Variants in SLC44A5 observed in about 807,000 individuals in gnomAD.
SLC44A5 encodes the protein solute carrier family 44 member 5, also known as choline transporter-like protein 5.
In SLC44A5, 57 loss-of-function variants were observed where a neutral mutation model predicts 101.8. The ratio of observed to expected loss-of-function variants is 0.56; its 90% CI spans 0.45 to 0.70. SLC44A5 has a LOEUF of 0.70. Ranked by LOEUF, SLC44A5 falls within the 30% of genes least tolerant of loss-of-function variation. The pLI is 0.00. For synonymous variants in SLC44A5, 281 were observed against 290.9 expected (o/e 0.97, Z 0.35); for missense variants, 737 against 853.1 (o/e 0.86, Z 1.70).
At chr1:75,709,648 A>C in the SLC44A5 span, among the ~76,000 whole-genome samples, 5 of 152,340 alleles carry the variant, frequency 3.3e-5, no homozygotes, top group East Asian at 9.6e-4. Context: ...TGGTTTTTAA[A>C]AATCTCTCCT....
intron 6 of SLC44A5, among the ~76,000 whole-genome samples, chr1:75,265,469 G>T (rs977067910): frequency 6.6e-6 from 1 of 152,122 alleles, no homozygotes; most frequent in Non-Finnish European, 1.5e-5. Flanking sequence ...CATAGAATTA[G>T]ATAGAAGGAA....
At chr1:75,353,988 T>A (rs1305718746) in intron 3 of SLC44A5, 2 of 359,198 alleles carry the variant, frequency 5.6e-6, no homozygotes, top group Non-Finnish European at 1.1e-5. Context: ...TTGTATTCAC[T>A]TGAAGGCCTG....
chr1:75,430,008 T>C (rs1401707225), intron 2 of SLC44A5, among the ~76,000 whole-genome samples: 1 of 152,166 alleles, frequency 6.6e-6, no homozygotes, highest in African/African-American at 2.4e-5. Flanking sequence ...CTTTCTAATA[T>C]AAACGTACCC....
chr1:75,541,644 C>G, intron 1 of SLC44A5, 128 bp from the exon 2 acceptor site: 1 of 523,738 alleles, frequency 1.9e-6, no homozygotes, highest in Non-Finnish European at 3.3e-6. Context: ...AGAGAATTAG[C>G]CTAATTCTCT....
At chr1:75,403,880 G>A (rs1248315637) in intron 2 of SLC44A5, among the ~76,000 whole-genome samples, 1 of 152,026 alleles carries the variant, frequency 6.6e-6, no homozygotes, top group Non-Finnish European at 1.5e-5. Context: ...GCTTCAGAAG[G>A]TGGGTAATAA....
At chr1:75,447,281 C>T (rs573849390) in intron 2 of SLC44A5, among the ~76,000 whole-genome samples, 1 of 152,120 alleles carries the variant, frequency 6.6e-6, no homozygotes, top group Non-Finnish European at 1.5e-5. Context: ...AGGTCTTTCA[C>T]TGATTTCTAT....
intron 1 of SLC44A5, among the ~76,000 whole-genome samples, chr1:75,605,110 C>A (rs1438534315): frequency 6.6e-6 from 1 of 151,902 alleles, no homozygotes; most frequent in Admixed American, 6.6e-5. Flanking sequence ...AATTTGAAAG[C>A]CTGATTTTTG....
At chr1:75,363,312 A>T (rs769674351) in intron 3 of SLC44A5, among the ~76,000 whole-genome samples, 49 of 152,052 alleles carry the variant, frequency 3.2e-4, no homozygotes, top group Admixed American at 6.6e-4. Context: ...AATTATTAAT[A>T]GGTAAGGATG....
chr1:75,716,334 G>A, the SLC44A5 span, among the ~76,000 whole-genome samples: 6 of 151,818 alleles, frequency 4.0e-5, no homozygotes, highest in African/African-American at 9.7e-5. Context: ...AGCCAGGCAC[G>A]GTGGCCTGTG....
the SLC44A5 span, among the ~76,000 whole-genome samples, chr1:75,695,716 T>C: frequency 9.5e-4 from 141 of 148,332 alleles, no homozygotes; most frequent in African/African-American, 3.3e-3. Context: ...TAAAAATATA[T>C]GACTTATATA....
At chr1:75,473,426 G>A (rs759732171) in intron 2 of SLC44A5, among the ~76,000 whole-genome samples, 12 of 152,170 alleles carry the variant, frequency 7.9e-5, no homozygotes, top group Non-Finnish European at 2.9e-5. Context: ...GGTTTCCAAA[G>A]CAAATTCTAA....
chr1:75,383,923 T>C (rs1388688648), intron 3 of SLC44A5, among the ~76,000 whole-genome samples: 2 of 151,910 alleles, frequency 1.3e-5, no homozygotes, highest in African/African-American at 4.8e-5. Flanking sequence ...AAGAAAAGAA[T>C]TGTCAACCCA....
intron 1 of SLC44A5, among the ~76,000 whole-genome samples, chr1:75,571,679 A>T (rs1263619792): frequency 2.0e-5 from 3 of 152,170 alleles, no homozygotes; most frequent in Non-Finnish European, 4.4e-5. Flanking sequence ...CCAAACTATG[A>T]TGTTTGGTAG....
intron 2 of SLC44A5, chr1:75,398,463 T>C (rs903073295): frequency 2.2e-6 from 2 of 904,662 alleles, no homozygotes; most frequent in Admixed American, 6.2e-5. Context: ...TACTATAATG[T>C]AGGTGTTTCA....
chr1:75,302,381 G>A (rs17096647), intron 4 of SLC44A5, among the ~76,000 whole-genome samples: 24,781 of 151,972 alleles, frequency 0.16, 2,214 homozygotes, highest in Middle Eastern at 0.3. Flanking sequence ...TAACTACCAG[G>A]AAGCTGGAGA....
intron 1 of SLC44A5, among the ~76,000 whole-genome samples, chr1:75,558,150 T>C (rs546519892): frequency 6.6e-6 from 1 of 152,272 alleles, no homozygotes; most frequent in East Asian, 1.9e-4. Context: ...CCTCTGCATT[T>C]TTAACTTTTA....
At position 75,541,500 on chromosome 1, in the gene SLC44A5, G is replaced by C; in HGVS notation, c.-53C>G. ...TAGGCCTGAATCACTGCAAACTTGA[G>C]TTGCTTAGAAAAGAGTCTGTGATAA... On this transcript the variant is annotated 5_prime_UTR_variant, in exon 2 of 24. Coordinates refer to ENST00000370859, the MANE Select transcript of SLC44A5 (RefSeq NM_001130058.2). The C allele has an allele frequency of 2.5e-6, 4 of 1,603,382 alleles. No homozygotes were observed. The highest frequency in any genetic ancestry group is 3.4e-6 in the Non-Finnish European group (4 of 1,174,652).
chr1:75,702,323 G>A, the SLC44A5 span, among the ~76,000 whole-genome samples: 1 of 152,100 alleles, frequency 6.6e-6, no homozygotes, highest in Admixed American at 6.5e-5. Context: ...ATAGATCAAT[G>A]GAACAGAACA....
chr1:75,439,097 G>A (rs1163917244), intron 2 of SLC44A5, among the ~76,000 whole-genome samples: 1 of 152,102 alleles, frequency 6.6e-6, no homozygotes, highest in African/African-American at 2.4e-5. Flanking sequence ...TGGAGTCACA[G>A]CCTTCATTAA....
Sources: gnomAD v4.1 joint callset for allele counts (sites outside exome capture counted in the v4.1 genomes callset) on GRCh38, gnomAD v4.1.1 for gene constraint, MANE v1.5 for transcripts, NCBI Gene and HGNC (gene_info 2026-07-23, HGNC 2026-07-21) for gene names.